Variants in MACROD2 observed in about 807,000 individuals in gnomAD.
MACROD2 encodes mono-ADP ribosylhydrolase 2, also known as ADP-ribose glycohydrolase MACROD2.
A neutral mutation model predicts 70.4 loss-of-function variants in MACROD2; 36 were observed. The ratio of observed to expected loss-of-function variants is 0.51; its 90% CI spans 0.39 to 0.68. The LOEUF (loss-of-function observed/expected upper bound fraction) is 0.68. Among genes scored for constraint, MACROD2 ranks in the 30% least tolerant of loss-of-function variants. The probability of loss-of-function intolerance (pLI) is 0.00; values close to 1 mark genes in which losing one functional copy is unlikely to be tolerated. For missense variants in MACROD2, 496 were observed against 538.4 expected (o/e 0.92, Z 0.78); for synonymous variants, 172 against 178.8 (o/e 0.96, Z 0.30).
intron 11 of MACROD2, among the ~76,000 whole-genome samples, chr20:15,935,060 CGTATGCATGCACTCACATACACAT>C (rs1465331905): frequency 3.9e-5 from 6 of 152,118 alleles, no homozygotes; most frequent in African/African-American, 1.4e-4. Flanking sequence ...CTCACACACA[CGTATGCATGCACTCACATACACAT>C]GTATGCATGC....
At chr20:14,669,501 T>C (rs946087745) in intron 4 of MACROD2, among the ~76,000 whole-genome samples, 5 of 152,168 alleles carry the variant, frequency 3.3e-5, no homozygotes, top group Non-Finnish European at 5.9e-5. Context: ...TAAAATGACA[T>C]ATTTACTTCT....
chr20:14,131,478 C>T (rs1464965996), intron 3 of MACROD2, among the ~76,000 whole-genome samples: 2 of 152,094 alleles, frequency 1.3e-5, no homozygotes, highest in Non-Finnish European at 2.9e-5. Context: ...TGCAGCTTTA[C>T]AAGAAGTGGT....
intron 8 of MACROD2, among the ~76,000 whole-genome samples, chr20:15,573,365 G>A (rs1322741535): frequency 1.3e-5 from 2 of 151,952 alleles, no homozygotes; most frequent in Admixed American, 6.6e-5. Context: ...TTGTAAGAAG[G>A]GCTGGCATCA....
chr20:16,016,452 A>T (rs530115640), intron 15 of MACROD2, among the ~76,000 whole-genome samples: 1 of 152,330 alleles, frequency 6.6e-6, no homozygotes, highest in African/African-American at 2.4e-5. Context: ...CAAAAAGTTG[A>T]TATCTCCTTT....
intron 7 of MACROD2, among the ~76,000 whole-genome samples, chr20:15,435,377 CAA>C (rs2046415132): frequency 6.6e-6 from 1 of 152,056 alleles, no homozygotes; most frequent in Non-Finnish European, 1.5e-5. Flanking sequence ...GTTCCACACA[CAA>C]TGTAATAATT....
intron 5 of MACROD2, among the ~76,000 whole-genome samples, chr20:14,733,730 T>C (rs2071624817): frequency 6.6e-6 from 1 of 152,194 alleles, no homozygotes; most frequent in African/African-American, 2.4e-5. Context: ...TTTGATGCAT[T>C]ATAAAATAGG....
At chr20:15,267,502 G>C (rs2077306148) in intron 6 of MACROD2, among the ~76,000 whole-genome samples, 2 of 147,228 alleles carry the variant, frequency 1.4e-5, no homozygotes, top group Admixed American at 1.4e-4. Context: ...TGGCATGCAA[G>C]CTGGCACAAA....
chr20:14,162,676 T>G lies in MACROD2; in HGVS notation c.271+76948T>G, dbSNP rs1447839049. ...AAAATCTGTTTTATCTAAGTATAGC[T>G]ACTCCTGCTTTTGCTTCTTATTGGC... On this transcript the variant is annotated intron_variant, in intron 3 of 17. Transcript: ENST00000684519. Among the ~76,000 whole-genome samples the G allele has an allele frequency of 3.9e-5, 6 of 152,264 alleles. No individual in the cohort carries two copies. In the South Asian group the frequency reaches 1.0e-3, roughly 26 times the overall value.
intron 5 of MACROD2, among the ~76,000 whole-genome samples, chr20:14,861,943 A>C: frequency 8.4e-6 from 1 of 119,216 alleles, no homozygotes; most frequent in Non-Finnish European, 1.7e-5. Flanking sequence ...CACACTTCCA[A>C]AGTGAAATAG....
chr20:15,922,081 C>A (rs1352615959), intron 10 of MACROD2, among the ~76,000 whole-genome samples: 1 of 152,150 alleles, frequency 6.6e-6, no homozygotes, highest in Non-Finnish European at 1.5e-5. Context: ...CCAGAAAAAG[C>A]CCTCAGGCCG....
At chr20:14,362,895 A>G (rs944194620) in intron 3 of MACROD2, among the ~76,000 whole-genome samples, 9 of 152,166 alleles carry the variant, frequency 5.9e-5, no homozygotes, top group Admixed American at 5.9e-4. Flanking sequence ...TCTTGTTTTT[A>G]ATGTAATTTT....
chr20:14,235,812 G>A (rs2081863921), intron 3 of MACROD2, among the ~76,000 whole-genome samples: 1 of 152,132 alleles, frequency 6.6e-6, no homozygotes, highest in Non-Finnish European at 1.5e-5. Flanking sequence ...AAAAGTTGCA[G>A]ACCTCATTTA....
chr20:14,927,633 G>A (rs1339541952), intron 5 of MACROD2, among the ~76,000 whole-genome samples: 2 of 152,138 alleles, frequency 1.3e-5, no homozygotes, highest in East Asian at 3.9e-4. Context: ...GGGGAACCTG[G>A]GAAATGTAGT....
chr20:14,315,565 A>T (rs1015160760), intron 3 of MACROD2, among the ~76,000 whole-genome samples: 3 of 152,204 alleles, frequency 2.0e-5, no homozygotes, highest in Non-Finnish European at 4.4e-5. Context: ...AATAACACAT[A>T]AGCAAAATAT....
intron 5 of MACROD2, among the ~76,000 whole-genome samples, chr20:14,806,941 C>G (rs1176494127): frequency 6.6e-6 from 1 of 152,118 alleles, no homozygotes. Context: ...GCAGCCCCAG[C>G]CAGGGGCTTA....
At chr20:14,314,443 G>A (rs2082595490) in intron 3 of MACROD2, among the ~76,000 whole-genome samples, 3 of 152,122 alleles carry the variant, frequency 2.0e-5, no homozygotes, top group African/African-American at 7.2e-5. Flanking sequence ...CCAAGAAAAT[G>A]TTTTTTTATC....
At chr20:14,867,297 A>G (rs983996126) in intron 5 of MACROD2, among the ~76,000 whole-genome samples, 1 of 152,170 alleles carries the variant, frequency 6.6e-6, no homozygotes, top group African/African-American at 2.4e-5. Flanking sequence ...TACTTACTGT[A>G]GATTTTGAAC....
At chr20:15,755,119 A>G (rs940615958) in intron 8 of MACROD2, among the ~76,000 whole-genome samples, 12 of 152,246 alleles carry the variant, frequency 7.9e-5, no homozygotes, top group African/African-American at 2.4e-4. Context: ...TCGGCCTCCC[A>G]AAGTGCTGAA....
At chr20:15,482,281 A>G (rs1456472121) in intron 7 of MACROD2, among the ~76,000 whole-genome samples, 1 of 152,224 alleles carries the variant, frequency 6.6e-6, no homozygotes, top group Admixed American at 6.5e-5. Flanking sequence ...TAAAGATTTG[A>G]CAGATACCAC....
Sources: gnomAD v4.1 joint callset for allele counts (sites outside exome capture counted in the v4.1 genomes callset) on GRCh38, gnomAD v4.1.1 for gene constraint, MANE v1.5 for transcripts, NCBI Gene and HGNC (gene_info 2026-07-23, HGNC 2026-07-21) for gene names.